The following STK4 variants were observed in gnomAD, a reference collection of about 807,000 sequenced individuals.
STK4 encodes serine/threonine kinase 4, also known as serine/threonine-protein kinase 4.
In STK4, 30 loss-of-function variants were observed where a neutral mutation model predicts 64.9. The ratio of observed to expected loss-of-function variants is 0.46; its 90% confidence interval spans 0.35 to 0.63. The LOEUF (loss-of-function observed/expected upper bound fraction) is 0.63, where lower values mean the gene tolerates loss of function less well. STK4 is among the 20% of genes least tolerant of loss of function. The pLI, the probability that STK4 is intolerant of heterozygous loss-of-function variation, is 0.01. For synonymous variants in STK4, 177 were observed against 199.0 expected (o/e 0.89, Z 0.93); for missense variants, 466 against 598.5 (o/e 0.78, Z 2.31).
At chr20:45,030,781 ATG>A (rs1416518077) in intron 10 of STK4, among the ~76,000 whole-genome samples, 1 of 152,170 alleles carries the variant, frequency 6.6e-6, no homozygotes, top group Non-Finnish European at 1.5e-5. Flanking sequence ...TTGGAAAAAA[ATG>A]TAATATTTTG....
chr20:45,027,430 CAAA>C (rs35208496), intron 10 of STK4, among the ~76,000 whole-genome samples: 267 of 79,412 alleles, frequency 3.4e-3, no homozygotes, highest in African/African-American at 0.012. Context: ...AACTCCGTCT[CAAA>C]AAAAAAAAAA....
chr20:45,032,882 C>A (rs186483529), intron 10 of STK4, among the ~76,000 whole-genome samples: 70 of 152,152 alleles, frequency 4.6e-4, no homozygotes, highest in Non-Finnish European at 7.2e-4. Flanking sequence ...AATTTACATT[C>A]CCACCAGCAG....
intron 5 of STK4, among the ~76,000 whole-genome samples, chr20:44,988,545 A>G (rs769483251): frequency 0.15 from 19,688 of 132,372 alleles, 1,911 homozygotes; most frequent in Non-Finnish European, 0.2. Context: ...ATATATATAT[A>G]TATATATATA....
At position 45,079,528 on chromosome 20, in the gene STK4, ATGTT is replaced by A. The variant is rs1980761379; in HGVS notation, c.*4356_*4359del. The A allele has an allele frequency of 6.6e-6, 1 of 152,218 alleles. No homozygotes were observed. The highest frequency in any genetic ancestry group is 1.5e-5 in the Non-Finnish European group (1 of 67,994). 9.4% of individuals were successfully genotyped at this position (152,218 alleles called of 1,614,324 possible). A position where few individuals can be genotyped will look rare whatever the true frequency, so the allele number is the denominator to read the frequency against. ...CTCACCCCATCTTTTCTTAAGCACT[ATGTT>A]TGTGTTTTTATCAGTATTATATTCA... On this transcript the variant is annotated 3_prime_UTR_variant, in exon 11 of 11. Transcript: ENST00000372806.
intron 10 of STK4, among the ~76,000 whole-genome samples, chr20:45,060,917 T>C (rs1055293344): frequency 3.9e-5 from 6 of 152,154 alleles, no homozygotes. Flanking sequence ...TCACCCATAC[T>C]CCTCGATCCT....
chr20:45,025,171 A>C (rs973267667), intron 10 of STK4, 41 bp downstream of exon 10: 1 of 1,572,652 alleles, frequency 6.4e-7, no homozygotes, highest in Non-Finnish European at 8.6e-7. Flanking sequence ...CTTCAGGGGA[A>C]GTTATTTGAA....
chr20:44,967,015 A>G (rs1292144962), intron 1 of STK4, among the ~76,000 whole-genome samples: 1 of 151,954 alleles, frequency 6.6e-6, no homozygotes, highest in African/African-American at 2.4e-5. Flanking sequence ...GGCCGGGTGG[A>G]CTTTCTAAGG....
At chr20:45,014,669 T>C (rs756036261) in intron 9 of STK4, among the ~76,000 whole-genome samples, 1 of 152,168 alleles carries the variant, frequency 6.6e-6, no homozygotes, top group Non-Finnish European at 1.5e-5. Context: ...AGCCAAAGGA[T>C]GGCCACTTGC....
At chr20:45,014,608 A>C (rs1183459675) in intron 9 of STK4, among the ~76,000 whole-genome samples, 1 of 152,172 alleles carries the variant, frequency 6.6e-6, no homozygotes, top group African/African-American at 2.4e-5. Context: ...TGATTTGCAC[A>C]GACTTGTAGT....
At chr20:44,998,919 A>G (rs1250478336) in intron 7 of STK4, among the ~76,000 whole-genome samples, 1 of 152,120 alleles carries the variant, frequency 6.6e-6, no homozygotes, top group Non-Finnish European at 1.5e-5. Context: ...AAAACAATAC[A>G]AAAATGAGCT....
At chr20:44,991,192 A>G (rs2067626748) in intron 5 of STK4, among the ~76,000 whole-genome samples, 1 of 151,870 alleles carries the variant, frequency 6.6e-6, no homozygotes, top group African/African-American at 2.4e-5. Flanking sequence ...TCTGGTGGCA[A>G]CATGGGTATT....
chr20:45,019,293 A>G (rs1426208181), intron 9 of STK4, among the ~76,000 whole-genome samples: 1 of 152,210 alleles, frequency 6.6e-6, no homozygotes, highest in East Asian at 1.9e-4. Context: ...ATGGAATCAT[A>G]TAACATGTGG....
At chr20:44,975,406 G>A (rs2067322632) in intron 2 of STK4, 6 of 983,642 alleles carry the variant, frequency 6.1e-6, no homozygotes, top group Non-Finnish European at 7.2e-6. Context: ...AGGATGCATA[G>A]GGAGGTATGA....
intron 10 of STK4, among the ~76,000 whole-genome samples, chr20:45,033,761 G>A (rs1303112573): frequency 6.6e-6 from 1 of 151,994 alleles, no homozygotes; most frequent in Non-Finnish European, 1.5e-5. Context: ...TGTATTTTTA[G>A]TAGAGATGGG....
At chr20:44,978,382 C>A in intron 2 of STK4, 61 bp from the exon 3 acceptor site, 1 of 1,549,474 alleles carries the variant, frequency 6.5e-7, no homozygotes, top group South Asian at 1.2e-5. Context: ...TGTGTTTTAC[C>A]ACTTCTTATA....
At chr20:45,006,558 G>T (rs975390198) in intron 9 of STK4, among the ~76,000 whole-genome samples, 3 of 151,898 alleles carry the variant, frequency 2.0e-5, no homozygotes, top group African/African-American at 4.8e-5. Flanking sequence ...CTTACACTTT[G>T]TAAATTTTGT....
intron 4 of STK4, 74 bp downstream of exon 4, chr20:44,982,017 G>A (rs2067449920): frequency 2.0e-6 from 2 of 981,460 alleles, no homozygotes; most frequent in Non-Finnish European, 3.2e-6. Context: ...TCTTTTTCAG[G>A]GCATTCTCCT....
intron 10 of STK4, among the ~76,000 whole-genome samples, chr20:45,027,078 A>G (rs1475533358): frequency 2.0e-5 from 3 of 152,192 alleles, no homozygotes; most frequent in Admixed American, 2.0e-4. Flanking sequence ...ATGCTTGAGA[A>G]TCCTCAAATC....
intron 5 of STK4, among the ~76,000 whole-genome samples, chr20:44,991,425 C>T (rs1568696691): frequency 6.6e-6 from 1 of 152,154 alleles, no homozygotes; most frequent in Non-Finnish European, 1.5e-5. Flanking sequence ...TGGCAAAGTG[C>T]TTTTGATGCA....
Sources: gnomAD v4.1 joint callset for allele counts (sites outside exome capture counted in the v4.1 genomes callset) on GRCh38, gnomAD v4.1.1 for gene constraint, MANE v1.5 for transcripts, NCBI Gene and HGNC (gene_info 2026-07-23, HGNC 2026-07-21) for gene names.